The following NPW variants were observed in gnomAD, a reference collection of about 807,000 sequenced individuals.
NPW encodes the protein prepro-neuropeptide W.
In NPW, 8 loss-of-function variants were observed where a neutral mutation model predicts 9.9. The observed-to-expected ratio is 0.81, with a 90% confidence interval of 0.47 to 1.46. The LOEUF (loss-of-function observed/expected upper bound fraction) is 1.46. Ranked by LOEUF, NPW falls within the 40% of genes most tolerant of loss-of-function variation. The probability of loss-of-function intolerance (pLI) is 0.00; values close to 1 mark genes in which losing one functional copy is unlikely to be tolerated. For missense variants in NPW, 287 were observed against 240.3 expected (o/e 1.19, Z -1.28); for synonymous variants, 134 against 119.9 (o/e 1.12, Z -0.77).
chr16:2,019,945 C>G lies in NPW; in HGVS notation c.44C>G (p.Pro15Arg). The change falls in exon 1 of 2, where the codon CCG (proline) becomes CGG (arginine). Residue 15 changes from proline (P) to arginine (R), a missense_variant. Physicochemically the swap from Pro to Arg is moderately radical, Grantham distance 103. Coordinates refer to ENST00000566435, the MANE Select transcript of NPW (RefSeq NM_001099456.3). ...GAGCGGGGGGCTCCCGCGAGCCGGC[C>G]GCGGCTGGCACTGCTGCTGCTTCTG... The G allele has an allele frequency of 1.5e-6, 2 of 1,354,874 alleles. No homozygotes were observed. Among genetic ancestry groups the G allele is most frequent in the Non-Finnish European group, 1.9e-6 (2 of 1,051,674 alleles). The allele number at this position is 1,354,874 out of a possible 1,614,324, so 83.9% of individuals were successfully genotyped here. A position where few individuals can be genotyped will look rare whatever the true frequency, so the allele number is the denominator to read the frequency against.
At position 2,020,695 on chromosome 16, in the gene NPW, A is replaced by T; in HGVS notation, c.*76A>T. The T allele has an allele frequency of 1.2e-6, 1 of 861,954 alleles. No individual in the cohort carries two copies. Among genetic ancestry groups the T allele is most frequent in the East Asian group, 2.8e-5 (1 of 35,664 alleles). 53.4% of individuals were successfully genotyped at this position (861,954 alleles called of 1,614,324 possible). On this transcript the variant is annotated 3_prime_UTR_variant, in exon 2 of 2. Transcript: ENST00000566435. The stretch of plus-strand genomic sequence containing the variant: ...GGCCGCGCGCTTCCAGGAGCCGCTC[A>T]TAGACCCCGCCTGCCGTCCGGTCAA...
At chr16:2,020,369 G>A in intron 1 of NPW, 57 bp downstream of exon 1, 1 of 1,408,094 alleles carries the variant, frequency 7.1e-7, no homozygotes, top group Non-Finnish European at 9.5e-7. Context: ...CGGGAGGTCT[G>A]AGCCGGAGCA....
chr16:2,019,871 G>C lies in NPW; in HGVS notation c.-31G>C. ...ACCCAGCCGAGCCGGTTCGTGGCCC[G>C]CCCCGCCGGGCGGCCGTCGACGCGA... On this transcript the variant is annotated 5_prime_UTR_variant, in exon 1 of 2. Coordinates refer to ENST00000566435, the MANE Select transcript of NPW (RefSeq NM_001099456.3). 8.3e-7 allele frequency: 1 copy of C among 1,211,906 alleles called. No individual in the cohort carries two copies. The highest frequency in any genetic ancestry group is 1.0e-6 in the Non-Finnish European group (1 of 976,080). The allele number at this position is 1,211,906 out of a possible 1,614,324, so 75.1% of individuals were successfully genotyped here.
rs932972236 is a variant in NPW at position 2,020,709 on chromosome 16, C to G, written c.*90C>G. The G allele has an allele frequency of 2.7e-6, 2 of 727,898 alleles. No individual in the cohort carries two copies. Among genetic ancestry groups the G allele is most frequent in the Non-Finnish European group, 4.5e-6 (2 of 445,416 alleles). 45.1% of individuals were successfully genotyped at this position (727,898 alleles called of 1,614,324 possible). ...AGGAGCCGCTCATAGACCCCGCCTG[C>G]CGTCCGGTCAATAAAATCCGCCTGA... On this transcript the variant is annotated 3_prime_UTR_variant, in exon 2 of 2. Coordinates refer to ENST00000566435, the MANE Select transcript of NPW (RefSeq NM_001099456.3).
chr16:2,020,608 G>A lies in NPW; in HGVS notation c.487G>A (p.Gly163Arg), dbSNP rs1187394272. ...CCTTGGCCTGCCCTGCCTGGCCCCC[G>A]GACCGTTCTGACAGCGTCCCCCGCC... Residue 163 changes from glycine to arginine, a missense_variant, in exon 2 of 2, where the codon GGA becomes AGA. Physicochemically the swap from Gly to Arg is moderately radical, Grantham distance 125. Coordinates refer to ENST00000566435, the MANE Select transcript of NPW (RefSeq NM_001099456.3). 5 of 1,597,798 alleles carry A rather than the reference G, an allele frequency of 3.1e-6. No homozygotes were observed. In the East Asian group the frequency reaches 1.1e-4, roughly 36 times the overall value.
chr16:2,020,011 T>A lies in NPW; in HGVS notation c.110T>A (p.Val37Glu). The A allele has an allele frequency of 6.7e-7, 1 of 1,498,108 alleles. No individual in the cohort carries two copies. 92.8% of individuals were successfully genotyped at this position (1,498,108 alleles called of 1,614,324 possible). Reference sequence around the variant, plus strand: ...CCCTCCGGCGCGTGGTACAAGCACGTGGCGAGTCCCCGCTACCACACGGTG... The same window carrying A: ...CCCTCCGGCGCGTGGTACAAGCACGAGGCGAGTCCCCGCTACCACACGGTG... The change falls in exon 1 of 2, where the codon GTG (valine) becomes GAG (glutamate). Residue 37 changes from valine to glutamate, a missense_variant. Coordinates refer to ENST00000566435, the MANE Select transcript of NPW (RefSeq NM_001099456.3).
rs935370864 is a variant in NPW, at chr16:2,019,886, C to G, written c.-16C>G. 1 of 1,220,912 alleles carries G rather than the reference C, an allele frequency of 8.2e-7. No individual in the cohort carries two copies. Among genetic ancestry groups the G allele is most frequent in the Non-Finnish European group, 1.0e-6 (1 of 982,012 alleles). 75.6% of individuals were successfully genotyped at this position (1,220,912 alleles called of 1,614,324 possible). A position where few individuals can be genotyped will look rare whatever the true frequency, so the allele number is the denominator to read the frequency against. On this transcript the variant is annotated 5_prime_UTR_variant, in exon 1 of 2. Transcript: ENST00000566435. ...TTCGTGGCCCGCCCCGCCGGGCGGC[C>G]GTCGACGCGAGCGCCCTGGCGTGGC...
rs558997769 is a variant in NPW, at chr16:2,020,413, C to T, written c.411+101C>T. The T allele has an allele frequency of 4.2e-5, 54 of 1,278,770 alleles. 1 individual carries two copies. The South Asian group carries it at 7.3e-4, about 17-fold the overall frequency. 79.2% of individuals were successfully genotyped at this position (1,278,770 alleles called of 1,614,324 possible). On this transcript the variant is annotated intron_variant, in intron 1 of 1. Transcript: ENST00000566435. ...CGCGTTCAGGGGGCACCCTCGGGCCCTTCCATTCCCTGCTCCGCGCCCAGA... is the reference window on the plus strand; with the variant it reads ...CGCGTTCAGGGGGCACCCTCGGGCCTTTCCATTCCCTGCTCCGCGCCCAGA...
chr16:2,019,838 G>C lies in NPW; in HGVS notation c.-64G>C. The C allele has an allele frequency of 8.3e-7, 1 of 1,202,304 alleles. No homozygotes were observed. The highest frequency in any genetic ancestry group is 1.0e-6 in the Non-Finnish European group (1 of 969,940). 74.5% of individuals were successfully genotyped at this position (1,202,304 alleles called of 1,614,324 possible). The stretch of plus-strand genomic sequence containing the variant: ...TACCTGGGCGTCCCAACTCCACTGC[G>C]CGCCCAAACCCAGCCGAGCCGGTTC... On this transcript the variant is annotated 5_prime_UTR_variant, in exon 1 of 2. Transcript: ENST00000566435.
Position 2,020,629 on chromosome 16 carries a change from C to T in NPW, c.*10C>T. 6.4e-7 allele frequency: 1 copy of T among 1,562,312 alleles called. No individual in the cohort carries two copies. Among genetic ancestry groups the T allele is most frequent in the South Asian group, 1.1e-5 (1 of 89,298 alleles). ...CCCCGGACCGTTCTGACAGCGTCCC[C>T]CGCCCGCCCGTGGCGCCTCCGCGCC... On this transcript the variant is annotated 3_prime_UTR_variant, in exon 2 of 2. Coordinates refer to ENST00000566435, the MANE Select transcript of NPW (RefSeq NM_001099456.3).
rs761046078 is a variant in NPW, at chr16:2,020,060, G to A, written c.159G>A (p.Met53Ile). ...TGGGCCGCGCCGCTGGCCTGCTCATGGGGCTGCGTCGCTCACCCTATCTGT... is the reference window on the plus strand; with the variant it reads ...TGGGCCGCGCCGCTGGCCTGCTCATAGGGCTGCGTCGCTCACCCTATCTGT... The change falls in exon 1 of 2, where the codon ATG becomes ATA. Residue 53 changes from methionine to isoleucine, a missense_variant. Coordinates refer to ENST00000566435, the MANE Select transcript of NPW (RefSeq NM_001099456.3). 2.7e-6 allele frequency: 4 copies of A among 1,500,042 alleles called. No homozygotes were observed. The South Asian group carries it at 4.9e-5, about 19-fold the overall frequency. 92.9% of individuals were successfully genotyped at this position (1,500,042 alleles called of 1,614,324 possible). A position where few individuals can be genotyped will look rare whatever the true frequency, so the allele number is the denominator to read the frequency against.
In NPW at chr16:2,020,520, G is replaced by C; in HGVS notation, c.412-13G>C. 1 of 1,593,060 alleles carries C rather than the reference G, an allele frequency of 6.3e-7. No homozygotes were observed. The highest frequency in any genetic ancestry group is 8.6e-7 in the Non-Finnish European group (1 of 1,163,210). ...ACAGCCTCCTCCCCACGGCCTTGCTGTGTTCTCGTTAGAGACTTCGGAGAG... is the reference window on the plus strand; with the variant it reads ...ACAGCCTCCTCCCCACGGCCTTGCTCTGTTCTCGTTAGAGACTTCGGAGAG... On this transcript the variant is annotated splice_polypyrimidine_tract_variant and intron_variant, in intron 1 of 1. Transcript: ENST00000566435.
At position 2,020,679 on chromosome 16, in the gene NPW, C is replaced by T. The variant is rs1416989485; in HGVS notation, c.*60C>T. ...CTGACCCAGGAGGAGTGGCCGCGCG[C>T]TTCCAGGAGCCGCTCATAGACCCCG... On this transcript the variant is annotated 3_prime_UTR_variant, in exon 2 of 2. Coordinates refer to ENST00000566435, the MANE Select transcript of NPW (RefSeq NM_001099456.3). 3 of 1,096,342 alleles carry T rather than the reference C, an allele frequency of 2.7e-6. No individual in the cohort carries two copies. Among genetic ancestry groups the T allele is most frequent in the Non-Finnish European group, 4.0e-6 (3 of 752,342 alleles). 67.9% of individuals were successfully genotyped at this position (1,096,342 alleles called of 1,614,324 possible).
In NPW at chr16:2,019,847, C is replaced by A. The variant is rs922119766; in HGVS notation, c.-55C>A. On this transcript the variant is annotated 5_prime_UTR_variant, in exon 1 of 2. Coordinates refer to ENST00000566435, the MANE Select transcript of NPW (RefSeq NM_001099456.3). Reference sequence around the variant, plus strand: ...GTCCCAACTCCACTGCGCGCCCAAACCCAGCCGAGCCGGTTCGTGGCCCGC... The same window carrying A: ...GTCCCAACTCCACTGCGCGCCCAAAACCAGCCGAGCCGGTTCGTGGCCCGC... The A allele has an allele frequency of 7.0e-5, 84 of 1,205,366 alleles. No individual in the cohort carries two copies. Among genetic ancestry groups the A allele is most frequent in the Non-Finnish European group, 8.1e-5 (79 of 972,110 alleles). The allele number at this position is 1,205,366 out of a possible 1,614,324, so 74.7% of individuals were successfully genotyped here.
At position 2,019,882 on chromosome 16, in the gene NPW, C is replaced by T. The variant is rs1286138266; in HGVS notation, c.-20C>T. 9.9e-6 allele frequency: 12 copies of T among 1,217,526 alleles called. No homozygotes were observed. Among genetic ancestry groups the T allele is most frequent in the Non-Finnish European group, 1.2e-5 (12 of 979,846 alleles). 75.4% of individuals were successfully genotyped at this position (1,217,526 alleles called of 1,614,324 possible). A position where few individuals can be genotyped will look rare whatever the true frequency, so the allele number is the denominator to read the frequency against. On this transcript the variant is annotated 5_prime_UTR_variant, in exon 1 of 2. Transcript: ENST00000566435. Reference sequence around the variant, plus strand: ...CCGGTTCGTGGCCCGCCCCGCCGGGCGGCCGTCGACGCGAGCGCCCTGGCG... The same window carrying T: ...CCGGTTCGTGGCCCGCCCCGCCGGGTGGCCGTCGACGCGAGCGCCCTGGCG...
chr16:2,020,453 G>A, intron 1 of NPW, 80 bp from the exon 2 acceptor site: 1 of 1,330,186 alleles, frequency 7.5e-7, no homozygotes. Flanking sequence ...CTTTCCCTGG[G>A]CAGGCTCGAC....
intron 1 of NPW, 105 bp downstream of exon 1, chr16:2,020,417 C>A: frequency 7.8e-7 from 1 of 1,287,602 alleles, no homozygotes. Flanking sequence ...CGGGCCCTTC[C>A]ATTCCCTGCT....
chr16:2,020,534 G>T lies in NPW; in HGVS notation c.413G>T (p.Arg138Ile). The T allele has an allele frequency of 6.2e-7, 1 of 1,605,462 alleles. No homozygotes were observed. Among genetic ancestry groups the T allele is most frequent in the South Asian group, 1.1e-5 (1 of 90,854 alleles). Residue 138 changes from arginine (R) to isoleucine (I), a missense_variant and splice_region_variant, in exon 2 of 2, where the codon AGA becomes ATA. Transcript: ENST00000566435. ...ACGGCCTTGCTGTGTTCTCGTTAGAGACTTCGGAGAGACGTCTCCCGCCCA... is the reference window on the plus strand; with the variant it reads ...ACGGCCTTGCTGTGTTCTCGTTAGATACTTCGGAGAGACGTCTCCCGCCCA...
rs754212145 is a variant in NPW at position 2,020,600 on chromosome 16, T to G, written c.479T>G (p.Leu160Arg). The G allele has an allele frequency of 2.5e-6, 4 of 1,603,186 alleles. No individual in the cohort carries two copies. Among genetic ancestry groups the G allele is most frequent in the Non-Finnish European group, 3.4e-6 (4 of 1,173,192 alleles). ...GCAAACCGCCTTGGCCTGCCCTGCC[T>G]GGCCCCCGGACCGTTCTGACAGCGT... Residue 160 changes from leucine to arginine, a missense_variant, in exon 2 of 2, where the codon CTG becomes CGG. Coordinates refer to ENST00000566435, the MANE Select transcript of NPW (RefSeq NM_001099456.3).
Sources: gnomAD v4.1 joint callset for allele counts on GRCh38, gnomAD v4.1.1 for gene constraint, MANE v1.5 for transcripts, NCBI Gene and HGNC (gene_info 2026-07-23, HGNC 2026-07-21) for gene names.